The following MMS19 variants were observed in gnomAD, a reference collection of about 807,000 sequenced individuals.
MMS19 encodes MMS19 cytosolic iron-sulfur assembly component, also known as MMS19 nucleotide excision repair protein homolog.
Under a neutral mutation model 129.8 loss-of-function variants are expected in MMS19, and 77 were observed. The ratio of observed to expected loss-of-function variants is 0.59; its 90% CI spans 0.49 to 0.72. The LOEUF (loss-of-function observed/expected upper bound fraction) is 0.72. Among genes scored for constraint, MMS19 ranks in the 30% least tolerant of loss-of-function variants. The pLI is 0.00. For synonymous variants in MMS19, 491 were observed against 502.8 expected, an observed-to-expected ratio of 0.98 and a Z score of 0.31; for missense variants, 1,168 against 1,266.3, an observed-to-expected ratio of 0.92 and a Z score of 1.18.
At chr10:97,480,124 G>A (rs545419749) in intron 3 of MMS19, 67 of 361,978 alleles carry the variant, frequency 1.9e-4, no homozygotes, top group African/African-American at 1.3e-3. Flanking sequence ...ATATTAAAAG[G>A]CTCGGGTAGG....
intron 18 of MMS19, 135 bp downstream of exon 18, chr10:97,465,670 G>T: frequency 1.2e-6 from 1 of 846,126 alleles, no homozygotes. Flanking sequence ...GTTGGACGCA[G>T]GCATCAGTAT....
chr10:97,470,245 G>T, intron 9 of MMS19, 42 bp from the exon 10 acceptor site: 2 of 1,410,362 alleles, frequency 1.4e-6, no homozygotes, highest in Non-Finnish European at 9.9e-7. Context: ...GATGGGTGGT[G>T]TGTCAGTCAC....
At chr10:97,475,700 G>A (rs935858628) in intron 8 of MMS19, among the ~76,000 whole-genome samples, 1 of 152,140 alleles carries the variant, frequency 6.6e-6, no homozygotes, top group Non-Finnish European at 1.5e-5. Flanking sequence ...TCGCACCACT[G>A]CACTCCAGCC....
At chr10:97,475,607 G>T (rs29001292) in intron 8 of MMS19, among the ~76,000 whole-genome samples, 2 of 151,756 alleles carry the variant, frequency 1.3e-5, no homozygotes, top group African/African-American at 4.8e-5. Flanking sequence ...GCATGGTGGC[G>T]GGCGCCTGTA....
chr10:97,476,674 G>C lies in MMS19; in HGVS notation c.684+9C>G. 6.2e-7 allele frequency: 1 copy of C among 1,612,962 alleles called. No individual in the cohort carries two copies. Among genetic ancestry groups the C allele is most frequent in the Non-Finnish European group, 8.5e-7 (1 of 1,179,148 alleles). Reference sequence around the variant, plus strand: ...AAATATATGATCAAACAATGAAGGTGCTACTTACAGGGGTAAAATCGATAG... The same window carrying C: ...AAATATATGATCAAACAATGAAGGTCCTACTTACAGGGGTAAAATCGATAG... On this transcript the variant is annotated intron_variant, in intron 8 of 30. Coordinates refer to ENST00000438925, the MANE Select transcript of MMS19 (RefSeq NM_022362.5).
intron 1 of MMS19, among the ~76,000 whole-genome samples, chr10:97,484,865 G>C (rs2037535997): frequency 6.6e-6 from 1 of 152,082 alleles, no homozygotes; most frequent in Non-Finnish European, 1.5e-5. Context: ...TATAATCACA[G>C]CCTCCCAGGC....
At chr10:97,462,212 A>C in intron 20 of MMS19, 93 bp from the exon 21 acceptor site, 1 of 857,550 alleles carries the variant, frequency 1.2e-6, no homozygotes. Flanking sequence ...GGTTTGAATT[A>C]GGATCACCAC....
intron 1 of MMS19, among the ~76,000 whole-genome samples, chr10:97,494,236 T>C (rs1424071922): frequency 6.6e-6 from 1 of 152,208 alleles, no homozygotes; most frequent in Non-Finnish European, 1.5e-5. Context: ...AAAATGGACC[T>C]ACTAGCACCT....
chr10:97,460,015 A>G (rs781428606), intron 26 of MMS19, 31 bp downstream of exon 26: 257 of 1,606,618 alleles, frequency 1.6e-4, no homozygotes, highest in Non-Finnish European at 2.1e-4. Context: ...AGAGATGTGT[A>G]TATGTGGGGA....
intron 1 of MMS19, among the ~76,000 whole-genome samples, chr10:97,486,235 G>A (rs1472598190): frequency 6.6e-6 from 1 of 152,190 alleles, no homozygotes; most frequent in East Asian, 1.9e-4. Flanking sequence ...AGGCTGGAGT[G>A]CAGTGGTGTG....
chr10:97,476,950 T>G lies in MMS19; in HGVS notation c.507A>C (p.Leu169=). The part of the protein sequence containing the change: ...MRTREEELKS[L]GADFTFGFIQ... ...TGAAGCCAAAGGTGAAGTCAGCTCC[T>G]AGGCTCTTTAGCTCTGGGAAGGAGA... is the stretch of plus-strand genomic sequence containing the variant. Residue 169 remains leucine (L), a synonymous_variant, in exon 7 of 31, where the codon CTA becomes CTC. Transcript: ENST00000438925. The G allele has an allele frequency of 6.2e-7, 1 of 1,613,818 alleles. No individual in the cohort carries two copies. Among genetic ancestry groups the G allele is most frequent in the Non-Finnish European group, 8.5e-7 (1 of 1,179,758 alleles).
rs745623942 is a variant in MMS19 at position 97,463,876 on chromosome 10, C to T, written c.1894G>A (p.Val632Met). The part of the protein sequence containing the change: ...TAIPCLLALA[V>M]QASMPEKEPS... ...AAGTTACCTGGCATAGAGGCCTGCA[C>T]AGCCAAGGCAAGCAGGCAAGGTATA... Residue 632 changes from valine (V) to methionine (M), a missense_variant, in exon 19 of 31, where the codon GTG (valine) becomes ATG (methionine). By Grantham distance (21) the Val-to-Met change is conservative. Coordinates refer to ENST00000438925, the MANE Select transcript of MMS19 (RefSeq NM_022362.5). 1.7e-5 allele frequency: 27 copies of T among 1,611,532 alleles called. No individual in the cohort carries two copies. The highest frequency in any genetic ancestry group is 2.3e-5 in the Non-Finnish European group (27 of 1,178,946).
intron 13 of MMS19, among the ~76,000 whole-genome samples, chr10:97,467,848 T>G (rs1469192254): frequency 2.6e-5 from 4 of 151,230 alleles, no homozygotes; most frequent in Admixed American, 6.6e-5. Flanking sequence ...TTTTTTTTTT[T>G]GTAGAGATGT....
chr10:97,466,940 T>G (rs1035806480), intron 14 of MMS19, 39 bp from the exon 15 acceptor site: 1 of 1,611,854 alleles, frequency 6.2e-7, no homozygotes, highest in Non-Finnish European at 8.5e-7. Flanking sequence ...AGGAAGCCAC[T>G]GCATTCCATA....
intron 15 of MMS19, 29 bp from the exon 16 acceptor site, chr10:97,466,614 T>C: frequency 1.3e-6 from 2 of 1,594,428 alleles, no homozygotes; most frequent in East Asian, 4.5e-5. Flanking sequence ...ATGAATCTCA[T>C]CTTTCTTCCC....
At position 97,460,765 on chromosome 10, in the gene MMS19, C is replaced by CA. The variant is rs1564616989; in HGVS notation, c.2413-15dup. On this transcript the variant is annotated splice_polypyrimidine_tract_variant and intron_variant, in intron 24 of 30. Coordinates refer to ENST00000438925, the MANE Select transcript of MMS19 (RefSeq NM_022362.5). ...GGCCTTTGTTACCTGTAATTGGAGA[C>CA]AGAGAGAGCAATTGGGGAATGACAC... is the stretch of plus-strand genomic sequence containing the variant. 54 of 1,590,624 alleles carry CA rather than the reference C, an allele frequency of 3.4e-5. No individual in the cohort carries two copies. Among genetic ancestry groups the CA allele is most frequent in the Non-Finnish European group, 4.3e-5 (50 of 1,167,518 alleles).
chr10:97,474,036 C>T (rs1230644620), intron 8 of MMS19, among the ~76,000 whole-genome samples: 3 of 148,944 alleles, frequency 2.0e-5, no homozygotes, highest in East Asian at 4.0e-4. Context: ...TCCAGCTACT[C>T]GGGAGGCAGG....
At chr10:97,471,566 A>G (rs1256414331) in intron 8 of MMS19, among the ~76,000 whole-genome samples, 1 of 152,028 alleles carries the variant, frequency 6.6e-6, no homozygotes, top group Non-Finnish European at 1.5e-5. Context: ...GCTGGATTGC[A>G]GTGGCTTGAT....
chr10:97,496,415 T>C (rs926641501), intron 1 of MMS19, among the ~76,000 whole-genome samples: 4 of 150,276 alleles, frequency 2.7e-5, no homozygotes, highest in African/African-American at 9.9e-5. Context: ...TCGGGAGGCT[T>C]GAGGCAGGAG....
Sources: gnomAD v4.1 joint callset for allele counts (sites outside exome capture counted in the v4.1 genomes callset) on GRCh38, gnomAD v4.1.1 for gene constraint, MANE v1.5 for transcripts, NCBI Gene and HGNC (gene_info 2026-07-23, HGNC 2026-07-21) for gene names.